The following ACTG1 variants were observed in gnomAD, a reference collection of about 807,000 sequenced individuals.
The protein encoded by ACTG1 is actin gamma 1.
ACTG1 carries 14 observed loss-of-function variants against 34.3 expected under a neutral mutation model. The observed-to-expected ratio is 0.41, with a 90% CI of 0.27 to 0.64. The LOEUF is 0.64. ACTG1 is among the 30% of genes least tolerant of loss of function. The pLI is 0.33. For synonymous variants in ACTG1, 422 were observed against 213.9 expected, an observed-to-expected ratio of 1.97 and a Z score of -8.49; for missense variants, 233 against 529.5, an observed-to-expected ratio of 0.44 and a Z score of 5.50.
intron 5 of ACTG1, 35 bp downstream of exon 5, chr17:81,510,892 G>C (rs782744712): frequency 3.7e-6 from 6 of 1,613,574 alleles, no homozygotes; most frequent in African/African-American, 1.3e-5. Context: ...CAGCTCTCCC[G>C]AGCCAGGCAG....
At position 81,510,684 on chromosome 17, in the gene ACTG1, G is replaced by A. The variant is rs782239083; in HGVS notation, c.*6C>T. ...GCAGCAAATGCTACGCATCTGCTGA[G>A]TCCGTTTAGAAGCATTTGCGGTGGA... On this transcript the variant is annotated 3_prime_UTR_variant, in exon 6 of 6. Coordinates refer to ENST00000573283, the MANE Select transcript of ACTG1 (RefSeq NM_001614.5). The A allele has an allele frequency of 6.2e-7, 1 of 1,613,924 alleles. No homozygotes were observed. Among genetic ancestry groups the A allele is most frequent in the Non-Finnish European group, 8.5e-7 (1 of 1,179,986 alleles).
At position 81,511,549 on chromosome 17, in the gene ACTG1, G is replaced by A; in HGVS notation, c.441C>T (p.Arg147=). The change falls in exon 4 of 6, where the codon CGC becomes CGT. Residue 147 remains arginine, a synonymous_variant. Transcript: ENST00000573283. ...QAVLSLYASG[R]TTGIVMDSGD... ...CAGAGTCCATGACAATGCCAGTGGTGCGCCCAGAGGCGTAGAGGGACAGCA... is the reference window on the plus strand; with the variant it reads ...CAGAGTCCATGACAATGCCAGTGGTACGCCCAGAGGCGTAGAGGGACAGCA... 1 of 1,613,878 alleles carries A rather than the reference G, an allele frequency of 6.2e-7. No individual in the cohort carries two copies. The highest frequency in any genetic ancestry group is 8.5e-7 in the Non-Finnish European group (1 of 1,180,028).
chr17:81,511,879 G>T, intron 3 of ACTG1, 24 bp downstream of exon 3: 1 of 1,613,978 alleles, frequency 6.2e-7, no homozygotes, highest in Non-Finnish European at 8.5e-7. Context: ...GACGGGAGGA[G>T]CACGGGCGTC....
rs782567184 is a variant in ACTG1, at chr17:81,511,149, A to C, written c.802+39T>G. The C allele has an allele frequency of 5.0e-6, 8 of 1,613,788 alleles. No homozygotes were observed. In the Admixed American group the frequency reaches 1.2e-4, roughly 24 times the overall value. The stretch of plus-strand genomic sequence containing the variant: ...CTCCCTTAGTGATGCTGTGTCACCG[A>C]GGATGTAAGAGTAGAAACCTTTAGC... On this transcript the variant is annotated intron_variant, in intron 4 of 5. Transcript: ENST00000573283.
intron 1 of ACTG1, 27 bp downstream of exon 1, chr17:81,512,707 G>A: frequency 2.5e-6 from 1 of 408,140 alleles, no homozygotes; most frequent in Non-Finnish European, 4.7e-6. Context: ...GCGACGTCCA[G>A]CTCAGGCCCC....
intron 3 of ACTG1, 130 bp from the exon 4 acceptor site, chr17:81,511,756 G>A (rs781910839): frequency 7.2e-6 from 11 of 1,524,910 alleles, no homozygotes; most frequent in African/African-American, 4.2e-5. Flanking sequence ...GAAACCAAAT[G>A]AGAAACCTGG....
chr17:81,511,993 G>A lies in ACTG1; in HGVS notation c.273C>T (p.Tyr91=), dbSNP rs868981232. ...CCTCCGGGGCCACGCGCAGCTCGTT[G>A]TAGAAGGTGTGGTGCCAGATCTTCT... ...DMEKIWHHTF[Y]NELRVAPEEH... The change falls in exon 3 of 6, where the codon TAC becomes TAT. Residue 91 remains tyrosine (Y), a synonymous_variant. Coordinates refer to ENST00000573283, the MANE Select transcript of ACTG1 (RefSeq NM_001614.5). The A allele has an allele frequency of 8.7e-6, 14 of 1,613,968 alleles. No individual in the cohort carries two copies. Among genetic ancestry groups the A allele is most frequent in the Middle Eastern group, 1.6e-4 (1 of 6,076 alleles).
intron 5 of ACTG1, 23 bp from the exon 6 acceptor site, chr17:81,510,856 C>T: frequency 6.2e-7 from 1 of 1,605,684 alleles, no homozygotes; most frequent in Non-Finnish European, 8.5e-7. Context: ...CCAGGCACGG[C>T]TTCAGCTCAC....
Position 81,511,845 on chromosome 17 carries a change from C to CAT in ACTG1, c.363+57_363+58insAT, listed in dbSNP as rs782049770. 6.8e-6 allele frequency: 11 copies of CAT among 1,609,084 alleles called. No homozygotes were observed. In the East Asian group the frequency reaches 2.5e-4, roughly 36 times the overall value. On this transcript the variant is annotated intron_variant, in intron 3 of 5. Transcript: ENST00000573283. ...AACACTTAAATGTCAGAAATCAAGC[C>CAT]GGGCAGAAAATGACTGGGGAAAGGA...
chr17:81,511,063 A>G lies in ACTG1; in HGVS notation c.848T>C (p.Met283Thr), dbSNP rs2143775617. ...GIHETTFNSI[M>T]KCDVDIRKDL... ...TTTGCGGATGTCCACGTCACACTTCATGATGGAGTTGAAGGTGGTCTCGTG... is the reference window on the plus strand; with the variant it reads ...TTTGCGGATGTCCACGTCACACTTCGTGATGGAGTTGAAGGTGGTCTCGTG... Residue 283 changes from methionine to threonine, a missense_variant, in exon 5 of 6, where the codon ATG becomes ACG. Coordinates refer to ENST00000573283, the MANE Select transcript of ACTG1 (RefSeq NM_001614.5). The G allele has an allele frequency of 6.2e-7, 1 of 1,613,992 alleles. No individual in the cohort carries two copies. The highest frequency in any genetic ancestry group is 8.5e-7 in the Non-Finnish European group (1 of 1,180,030).
intron 3 of ACTG1, 70 bp from the exon 4 acceptor site, chr17:81,511,696 A>G: frequency 6.5e-7 from 1 of 1,546,302 alleles, no homozygotes; most frequent in Non-Finnish European, 8.8e-7. Flanking sequence ...ACACGCCACA[A>G]CATGCTGCAT....
chr17:81,512,415 C>G (rs2031870350), intron 1 of ACTG1, 55 bp from the exon 2 acceptor site: 1 of 1,613,232 alleles, frequency 6.2e-7, no homozygotes, highest in Non-Finnish European at 8.5e-7. Context: ...GTCCCCTCCC[C>G]ACAGCCACCT....
Position 81,510,180 on chromosome 17 carries a change from C to T in ACTG1, c.*510G>A, listed in dbSNP as rs1195247791. On this transcript the variant is annotated 3_prime_UTR_variant, in exon 6 of 6. Transcript: ENST00000573283. ...CCAACTCAAAGCAAGTAACAGCCCACGGTGTTCTGGCCAAAGACATCAGCT... is the reference window on the plus strand; with the variant it reads ...CCAACTCAAAGCAAGTAACAGCCCATGGTGTTCTGGCCAAAGACATCAGCT... 1.8e-5 allele frequency: 9 copies of T among 503,014 alleles called. No homozygotes were observed. Among genetic ancestry groups the T allele is most frequent in the South Asian group, 3.1e-5 (2 of 65,288 alleles). 31.2% of individuals were successfully genotyped at this position (503,014 alleles called of 1,614,324 possible). A position where few individuals can be genotyped will look rare whatever the true frequency, so the allele number is the denominator to read the frequency against.
At position 81,510,435 on chromosome 17, in the gene ACTG1, T is replaced by TA. The variant is rs1285568872; in HGVS notation, c.*254dup. 7.0e-5 allele frequency: 43 copies of TA among 615,136 alleles called. No individual in the cohort carries two copies. The highest frequency in any genetic ancestry group is 1.2e-4 in the Non-Finnish European group (40 of 336,266). 38.1% of individuals were successfully genotyped at this position (615,136 alleles called of 1,614,324 possible). On this transcript the variant is annotated 3_prime_UTR_variant, in exon 6 of 6. Coordinates refer to ENST00000573283, the MANE Select transcript of ACTG1 (RefSeq NM_001614.5). ...CACGAAGTGACCAAGCCACACGTACTAAAGGTTGAACTCAAAGATATGTAC... is the reference window on the plus strand; with the variant it reads ...CACGAAGTGACCAAGCCACACGTACTAAAAGGTTGAACTCAAAGATATGTAC...
Position 81,511,313 on chromosome 17 carries a change from T to C in ACTG1, c.677A>G (p.Glu226Gly). ...AGAGGAGGATGCGGCGGTGGCCATC[T>C]CCTGCTCGAAGTCCAGGGCGACGTA... ...LCYVALDFEQ[E>G]MATAASSSSL... Residue 226 changes from glutamate to glycine, a missense_variant, in exon 4 of 6, where the codon GAG becomes GGG. By Grantham distance (98) the Glu-to-Gly change is moderately conservative (BLOSUM62 -2). Transcript: ENST00000573283. The C allele has an allele frequency of 6.2e-7, 1 of 1,613,762 alleles. No homozygotes were observed. Among genetic ancestry groups the C allele is most frequent in the Non-Finnish European group, 8.5e-7 (1 of 1,180,042 alleles).
chr17:81,512,436 C>T, intron 1 of ACTG1, 76 bp from the exon 2 acceptor site: 1 of 1,610,948 alleles, frequency 6.2e-7, no homozygotes, highest in South Asian at 1.1e-5. Context: ...AATGCCCTCC[C>T]GCGGGGAAGC....
chr17:81,512,493 C>T (rs2031876452), intron 1 of ACTG1, 133 bp from the exon 2 acceptor site: 4 of 1,431,510 alleles, frequency 2.8e-6, no homozygotes, highest in Non-Finnish European at 3.9e-6. Flanking sequence ...AAGATCGCAA[C>T]CGCCTGGAAC....
rs147032031 is a variant in ACTG1, at chr17:81,512,068, G to C, written c.198C>G (p.Thr66=). 1 of 1,613,952 alleles carries C rather than the reference G, an allele frequency of 6.2e-7. No homozygotes were observed. Among genetic ancestry groups the C allele is most frequent in the Non-Finnish European group, 8.5e-7 (1 of 1,180,030 alleles). ...DEAQSKRGIL[T]LKYPIEHGIV... is the part of the protein sequence containing the mutation. Reference sequence around the variant, plus strand: ...TGCCATGCTCAATGGGGTACTTCAGGGTCAGGATGCCACGCTTGCTCTGGG... The same window carrying C: ...TGCCATGCTCAATGGGGTACTTCAGCGTCAGGATGCCACGCTTGCTCTGGG... The change falls in exon 3 of 6, where the codon ACC becomes ACG. Residue 66 remains threonine (T), a synonymous_variant. Transcript: ENST00000573283.
rs374907377 is a variant in ACTG1 at position 81,512,128 on chromosome 17, G to A, written c.138C>T (p.Gly46=). ...CCACGTAGGAGTCCTTCTGGCCCAT[G>A]CCCACCATGACGCCCTGCAGGGGAC... ...GRPRHQGVMV[G]MGQKDSYVGD... is the part of the protein sequence containing the mutation. Residue 46 remains glycine, a synonymous_variant, in exon 3 of 6, where the codon GGC becomes GGT. Coordinates refer to ENST00000573283, the MANE Select transcript of ACTG1 (RefSeq NM_001614.5). The A allele has an allele frequency of 2.9e-5, 46 of 1,613,558 alleles. No individual in the cohort carries two copies. Among genetic ancestry groups the A allele is most frequent in the South Asian group, 1.6e-4 (15 of 91,086 alleles).
Sources: allele counts gnomAD v4.1 joint callset, GRCh38; gene constraint gnomAD v4.1.1; transcripts MANE v1.5; gene names NCBI Gene and HGNC (gene_info 2026-07-23, HGNC 2026-07-21).